Variants in AP2A2 observed in about 807,000 individuals in gnomAD.
AP2A2 encodes the protein adaptor related protein complex 2 subunit alpha 2.
Under a neutral mutation model 104.2 loss-of-function variants are expected in AP2A2, and 32 were observed. The observed-to-expected ratio is 0.31, with a 90% CI of 0.23 to 0.41. AP2A2 has a LOEUF of 0.41. AP2A2 is among the 10% of genes least tolerant of loss of function. AP2A2 has a pLI of 1.00. For missense variants in AP2A2, 912 were observed against 1,261.0 expected (o/e 0.72, Z 4.19); for synonymous variants, 539 against 533.3 (o/e 1.01, Z -0.15).
Position 993,231 on chromosome 11 carries a change from G to A in AP2A2, c.1453-53G>A, listed in dbSNP as rs1019785935. 4.7e-5 allele frequency: 69 copies of A among 1,474,372 alleles called. No individual in the cohort carries two copies. In the Middle Eastern group the frequency reaches 5.6e-4, roughly 12 times the overall value. The allele number at this position is 1,474,372 out of a possible 1,614,324, so 91.3% of individuals were successfully genotyped here. ...CACCGCGCCAGGACGTGCCCGCCTC[G>A]CCTTAACTCTGGCACCTGGCTGCCA... is the stretch of plus-strand genomic sequence containing the variant. On this transcript the variant is annotated intron_variant, in intron 11 of 21. Transcript: ENST00000448903. The surrounding 1 kb of genome is among the most constrained non-coding windows in gnomAD (Gnocchi z 8.2).
chr11:1,002,743 G>C (rs1328321653), intron 15 of AP2A2, among the ~76,000 whole-genome samples: 1 of 152,282 alleles, frequency 6.6e-6, no homozygotes, highest in Admixed American at 6.5e-5. Context: ...GACCTTCCAG[G>C]GTGGCAGCTG....
In AP2A2 at chr11:1,010,984, G is replaced by A. The variant is rs747991311; in HGVS notation, c.*359G>A. The A allele has an allele frequency of 3.5e-5, 25 of 707,134 alleles. 1 individual carries two copies. The highest frequency in any genetic ancestry group is 2.7e-4 in the Middle Eastern group (1 of 3,666). 43.8% of individuals were successfully genotyped at this position (707,134 alleles called of 1,614,324 possible). ...GATGGCCCGTGCTGCCGCCCACCCC[G>A]CCTCGGAGCCTCTGGGAGCAGCAGT... On this transcript the variant is annotated 3_prime_UTR_variant, in exon 22 of 22. Coordinates refer to ENST00000448903, the MANE Select transcript of AP2A2 (RefSeq NM_012305.4).
chr11:937,387 G>GT (rs1242934671), intron 1 of AP2A2, among the ~76,000 whole-genome samples: 1 of 152,082 alleles, frequency 6.6e-6, no homozygotes, highest in Non-Finnish European at 1.5e-5. Context: ...CTTCAGTGCC[G>GT]TGAGCGCATG....
At chr11:991,190 T>C (rs890554606) in intron 10 of AP2A2, among the ~76,000 whole-genome samples, 32 of 152,228 alleles carry the variant, frequency 2.1e-4, no homozygotes, top group Non-Finnish European at 1.5e-5. Context: ...GTCCTTTCAG[T>C]CGAGCATGGC....
At position 993,207 on chromosome 11, in the gene AP2A2, A is replaced by T; in HGVS notation, c.1453-77A>T. On this transcript the variant is annotated intron_variant, in intron 11 of 21. Transcript: ENST00000448903. This position sits in a 1 kb window ranked among gnomAD's most constrained non-coding sequence, Gnocchi z 8.2. ...AGGGGCTGGTGCTGGTGTAGGGTGC[A>T]CCGCGCCAGGACGTGCCCGCCTCGC... The T allele has an allele frequency of 8.5e-7, 1 of 1,175,490 alleles. No individual in the cohort carries two copies. The highest frequency in any genetic ancestry group is 1.2e-6 in the Non-Finnish European group (1 of 844,918). 72.8% of individuals were successfully genotyped at this position (1,175,490 alleles called of 1,614,324 possible).
Position 981,217 on chromosome 11 carries a change from C to T in AP2A2, c.623C>T (p.Thr208Ile). The change falls in exon 6 of 22, where the codon ACA becomes ATA. Residue 208 changes from threonine (T) to isoleucine (I), a missense_variant. By Grantham distance (89) the Thr-to-Ile change is moderately conservative (BLOSUM62 -1). Transcript: ENST00000448903. ...TTTCAGGGTGTGGTAACTGCAGCCACAAGTCTGATCACCACTTTAGCACAG... is the reference window on the plus strand; with the variant it reads ...TTTCAGGGTGTGGTAACTGCAGCCATAAGTCTGATCACCACTTTAGCACAG... Reference protein sequence around the residue: ...DQHLGVVTAATSLITTLAQKN... With the variant: ...DQHLGVVTAAISLITTLAQKN... The T allele has an allele frequency of 1.9e-6, 3 of 1,613,208 alleles. No homozygotes were observed. The highest frequency in any genetic ancestry group is 2.5e-6 in the Non-Finnish European group (3 of 1,179,602).
chr11:990,845 C>T (rs1258090626), intron 10 of AP2A2, among the ~76,000 whole-genome samples: 2 of 145,916 alleles, frequency 1.4e-5, no homozygotes, highest in East Asian at 4.1e-4. Context: ...ATGGTGCTCC[C>T]CCCACCCCAT....
intron 6 of AP2A2, among the ~76,000 whole-genome samples, chr11:983,544 G>A (rs927125174): frequency 4.0e-5 from 6 of 151,484 alleles, no homozygotes; most frequent in South Asian, 2.1e-4. Flanking sequence ...CACCATGCCT[G>A]GCTAATTTTT....
In AP2A2 at chr11:998,697, C is replaced by T. The variant is rs924937794; in HGVS notation, c.1957-1735C>T. Among the ~76,000 whole-genome samples, 8 of 152,162 alleles carry T rather than the reference C, an allele frequency of 5.3e-5. No homozygotes were observed. The South Asian group carries it at 1.7e-3, about 32-fold the overall frequency. On this transcript the variant is annotated intron_variant, in intron 14 of 21. Coordinates refer to ENST00000448903, the MANE Select transcript of AP2A2 (RefSeq NM_012305.4). The stretch of plus-strand genomic sequence containing the variant: ...CTCTTAGCTGGGTGGGGGGTTTCTC[C>T]ACCAAGAGCCCCTGGTGTATAGTGT...
intron 4 of AP2A2, among the ~76,000 whole-genome samples, chr11:975,669 C>G (rs112528339): frequency 0.28 from 5,466 of 19,630 alleles, 104 homozygotes; most frequent in Admixed American, 0.38. Context: ...GTGAGCCGAC[C>G]TCGGAGAGTA....
Position 1,003,717 on chromosome 11 carries a change from C to T in AP2A2, c.2124-5C>T, listed in dbSNP as rs1856104078. On this transcript the variant is annotated splice_region_variant and splice_polypyrimidine_tract_variant and intron_variant, in intron 15 of 21. Transcript: ENST00000448903. ...GTGACACATATACTGTCCCTTTTCCCCTAGGTTTGTTTGTAAAAACAATGG... is the reference window on the plus strand; with the variant it reads ...GTGACACATATACTGTCCCTTTTCCTCTAGGTTTGTTTGTAAAAACAATGG... 1.3e-6 allele frequency: 2 copies of T among 1,595,932 alleles called. No homozygotes were observed.
intron 1 of AP2A2, among the ~76,000 whole-genome samples, chr11:936,844 T>C (rs577129756): frequency 7.2e-5 from 11 of 152,060 alleles, no homozygotes; most frequent in Non-Finnish European, 1.0e-4. Context: ...CAGCCTGTAG[T>C]CTGGGGCTAG....
At chr11:956,489 CA>C (rs1854238779) in intron 1 of AP2A2, among the ~76,000 whole-genome samples, 1 of 152,174 alleles carries the variant, frequency 6.6e-6, no homozygotes. Flanking sequence ...TAAATGTACA[CA>C]AAGTTGTTTT....
chr11:986,960 G>A lies in AP2A2; in HGVS notation c.1131+7G>A, dbSNP rs757650056. ...GGTCATCAACGCCCTGAAGGCGAGT[G>A]CCCTGTCCTTGGGTTCTGCTCACTC... On this transcript the variant is annotated splice_region_variant and intron_variant, in intron 9 of 21. Transcript: ENST00000448903. 1 of 1,569,812 alleles carries A rather than the reference G, an allele frequency of 6.4e-7. No individual in the cohort carries two copies. The highest frequency in any genetic ancestry group is 1.2e-5 in the South Asian group (1 of 85,222).
At position 1,011,269 on chromosome 11, in the gene AP2A2, T is replaced by G; in HGVS notation, c.*644T>G. ...TCCTGTTTGTGAAGGGCGTCTGTTA[T>G]GCTCCTGCAGTCGCCGAGGCCTTGG... On this transcript the variant is annotated 3_prime_UTR_variant, in exon 22 of 22. Coordinates refer to ENST00000448903, the MANE Select transcript of AP2A2 (RefSeq NM_012305.4). 1.9e-6 allele frequency: 1 copy of G among 518,992 alleles called. No individual in the cohort carries two copies. Among genetic ancestry groups the G allele is most frequent in the South Asian group, 1.4e-5 (1 of 71,598 alleles). The allele number at this position is 518,992 out of a possible 1,614,324, so 32.1% of individuals were successfully genotyped here.
At chr11:939,155 G>A (rs1261148501) in intron 1 of AP2A2, among the ~76,000 whole-genome samples, 1 of 150,256 alleles carries the variant, frequency 6.7e-6, no homozygotes, top group African/African-American at 2.5e-5. Flanking sequence ...GGAGGCTGAG[G>A]CAGCAGAATC....
rs1009346552 is a variant in AP2A2 at position 992,479 on chromosome 11, C to T, written c.1270-24C>T. The T allele has an allele frequency of 1.9e-6, 3 of 1,564,434 alleles. No individual in the cohort carries two copies. The highest frequency in any genetic ancestry group is 2.6e-6 in the Non-Finnish European group (3 of 1,154,536). ...GATTGCCATGGCCTGCAGGTGCCGG[C>T]CCTCAGCAGCCTGTCCCCCACAGGT... On this transcript the variant is annotated intron_variant, in intron 10 of 21. Transcript: ENST00000448903. This position sits in a 1 kb window ranked among gnomAD's most constrained non-coding sequence, Gnocchi z 6.4.
chr11:970,641 C>T (rs1012831100), intron 3 of AP2A2, among the ~76,000 whole-genome samples: 1 of 152,272 alleles, frequency 6.6e-6, no homozygotes, highest in African/African-American at 2.4e-5. Context: ...CAGGACTGCC[C>T]GGTTGGTCTG....
In AP2A2 at chr11:958,336, G is replaced by T. The variant is rs76531967; in HGVS notation, c.68-1101G>T. Among the ~76,000 whole-genome samples the T allele has an allele frequency of 4.4e-3, 663 of 152,316 alleles. 35 individuals carry two copies. The East Asian group carries it at 0.11, about 25-fold the overall frequency. On this transcript the variant is annotated intron_variant, in intron 1 of 21. Transcript: ENST00000448903. Reference sequence around the variant, plus strand: ...TGTGAGAAGATGAAGTGTTTCAGCCGCCCCGTCTGGGGTGTTTTGTCATGG... The same window carrying T: ...TGTGAGAAGATGAAGTGTTTCAGCCTCCCCGTCTGGGGTGTTTTGTCATGG...
Sources: gnomAD v4.1 joint callset for allele counts (sites outside exome capture counted in the v4.1 genomes callset) on GRCh38, gnomAD v4.1.1 for gene constraint, Gnocchi (gnomAD v3.1) non-coding constraint, MANE v1.5 for transcripts, NCBI Gene and HGNC (gene_info 2026-07-23, HGNC 2026-07-21) for gene names.